Variants in ANO2 observed in about 807,000 individuals in gnomAD.
ANO2 encodes the protein anoctamin 2.
ANO2 carries 101 observed loss-of-function variants against 124.2 expected under a neutral mutation model. That is an observed-to-expected ratio of 0.81 (90% CI 0.69 to 0.96). The LOEUF is 0.96. ANO2 is among the 40% of genes least tolerant of loss of function. ANO2 has a pLI of 0.00. For synonymous variants in ANO2, 486 were observed against 482.5 expected (o/e 1.01, Z -0.09); for missense variants, 1,293 against 1,274.5 (o/e 1.01, Z -0.22).
At position 5,638,237 on chromosome 12, in the gene ANO2, C is replaced by CTTTTTTTTTTTTTTTTTTT. The variant is rs35224024; in HGVS notation, c.1621-2891_1621-2890insAAAAAAAAAAAAAAAAAAA. ...ATCTTCACTAGCACTGTTTCTTTTC[C>CTTTTTTTTTTTTTTTTTTT]TTTTTTTTTTTTTTTTGAGACGGAG... On this transcript the variant is annotated intron_variant, in intron 15 of 24. Coordinates refer to ENST00000682330, the MANE Select transcript of ANO2 (RefSeq NM_001364791.2). Among the ~76,000 whole-genome samples, 4 of 124,846 alleles carry CTTTTTTTTTTTTTTTTTTT rather than the reference C, an allele frequency of 3.2e-5. 1 individual carries two copies. Among genetic ancestry groups the CTTTTTTTTTTTTTTTTTTT allele is most frequent in the Non-Finnish European group, 3.4e-5 (2 of 59,264 alleles). The allele number at this position is 124,846 out of a possible 152,430, so 81.9% of individuals were successfully genotyped here.
At chr12:5,617,179 C>T (rs1944859187) in intron 16 of ANO2, among the ~76,000 whole-genome samples, 1 of 152,010 alleles carries the variant, frequency 6.6e-6, no homozygotes, top group Non-Finnish European at 1.5e-5. Context: ...CCATACTGCA[C>T]TCTCCAGATC....
intron 22 of ANO2, 76 bp from the exon 23 acceptor site, chr12:5,576,091 C>G (rs945546990): frequency 3.0e-5 from 42 of 1,402,636 alleles, no homozygotes; most frequent in Non-Finnish European, 4.0e-5. Flanking sequence ...GGCTCCCCAT[C>G]AGAAGGAGCT....
intron 14 of ANO2, among the ~76,000 whole-genome samples, chr12:5,650,144 G>A (rs1001883014): frequency 6.6e-6 from 1 of 152,136 alleles, no homozygotes; most frequent in African/African-American, 2.4e-5. Context: ...CAATGGGCCA[G>A]GCTCTGTGCT....
At chr12:5,801,024 G>T (rs1953022277) in intron 9 of ANO2, among the ~76,000 whole-genome samples, 1 of 152,172 alleles carries the variant, frequency 6.6e-6, no homozygotes, top group Admixed American at 6.5e-5. Context: ...GAAGTGTGTG[G>T]CATCCAGGAA....
At chr12:5,703,420 C>T (rs754060509) in intron 14 of ANO2, among the ~76,000 whole-genome samples, 3 of 152,202 alleles carry the variant, frequency 2.0e-5, no homozygotes, top group African/African-American at 4.8e-5. Flanking sequence ...GGGGCGCCCA[C>T]ATGCTTCAAT....
intron 10 of ANO2, among the ~76,000 whole-genome samples, chr12:5,755,654 T>G (rs1371022995): frequency 6.6e-6 from 1 of 151,652 alleles, no homozygotes; most frequent in Non-Finnish European, 1.5e-5. Context: ...GAACATGCGG[T>G]GTTTGGTTTT....
chr12:5,832,543 G>T lies in ANO2; in HGVS notation c.694C>A (p.Leu232Met). ...AKKFSAALQK[L>M]SSHLQPRVPE... is the part of the protein sequence containing the mutation. ...ACTCGGGGCTGCAGGTGCGAGCTCAGCTTCTGCAGAGCCGCGCTGAACTTC... is the reference window on the plus strand; with the variant it reads ...ACTCGGGGCTGCAGGTGCGAGCTCATCTTCTGCAGAGCCGCGCTGAACTTC... The change falls in exon 5 of 25, where the codon CTG (leucine) becomes ATG (methionine). Residue 232 changes from leucine (L) to methionine (M), a missense_variant. By Grantham distance (15) the Leu-to-Met change is conservative. Transcript: ENST00000682330. 6.2e-7 allele frequency: 1 copy of T among 1,613,968 alleles called. No homozygotes were observed. Among genetic ancestry groups the T allele is most frequent in the South Asian group, 1.1e-5 (1 of 91,076 alleles).
intron 10 of ANO2, among the ~76,000 whole-genome samples, chr12:5,779,196 A>G (rs983811497): frequency 6.6e-6 from 1 of 152,234 alleles, no homozygotes; most frequent in Non-Finnish European, 1.5e-5. Context: ...CACAGTGTCC[A>G]ATCAAGAGTA....
In ANO2 at chr12:5,705,514, T is replaced by A. The variant is rs545762737; in HGVS notation, c.1545+27006A>T. ...AGGCCAGGCTGCACCCTCTGCCAGA[T>A]GTACTCATCCATAGGAGCTGGTCCT... On this transcript the variant is annotated intron_variant, in intron 14 of 24. Transcript: ENST00000682330. Among the ~76,000 whole-genome samples the A allele has an allele frequency of 2.6e-5, 4 of 152,296 alleles. No individual in the cohort carries two copies. In the East Asian group the frequency reaches 7.7e-4, roughly 29 times the overall value.
chr12:5,722,979 T>C (rs990311620), intron 14 of ANO2, among the ~76,000 whole-genome samples: 3 of 152,194 alleles, frequency 2.0e-5, no homozygotes, highest in Non-Finnish European at 2.9e-5. Flanking sequence ...ACAAACAACC[T>C]TGCCATGTAA....
chr12:5,565,446 C>T, intron 24 of ANO2, 112 bp downstream of exon 24: 1 of 954,076 alleles, frequency 1.0e-6, no homozygotes, highest in Non-Finnish European at 1.6e-6. Flanking sequence ...ATGAAGCTTT[C>T]TTATGTCACA....
At chr12:5,903,280 T>C (rs1672960606) in intron 3 of ANO2, among the ~76,000 whole-genome samples, 1 of 152,104 alleles carries the variant, frequency 6.6e-6, no homozygotes, top group Non-Finnish European at 1.5e-5. Flanking sequence ...TTGGACCTGA[T>C]ATTAAGAAAC....
At chr12:5,745,288 A>T (rs1299053347) in intron 11 of ANO2, among the ~76,000 whole-genome samples, 1 of 152,154 alleles carries the variant, frequency 6.6e-6, no homozygotes, top group Non-Finnish European at 1.5e-5. Context: ...TCCCAGGGAG[A>T]TGGGAGGATG....
chr12:5,693,495 C>T (rs1367724057), intron 14 of ANO2, among the ~76,000 whole-genome samples: 6 of 152,120 alleles, frequency 3.9e-5, no homozygotes, highest in Admixed American at 1.3e-4. Context: ...CCACTGGCTC[C>T]CCACTCTGTC....
intron 14 of ANO2, among the ~76,000 whole-genome samples, chr12:5,708,761 T>C (rs1255686303): frequency 1.3e-5 from 2 of 152,252 alleles, no homozygotes; most frequent in Non-Finnish European, 1.5e-5. Context: ...CAGCATATGC[T>C]AGGTCCTCTC....
chr12:5,629,715 C>G (rs144401273), intron 16 of ANO2, among the ~76,000 whole-genome samples: 17 of 152,296 alleles, frequency 1.1e-4, no homozygotes, highest in African/African-American at 3.1e-4. Context: ...GAATCCTACC[C>G]CCGCAGCACT....
intron 14 of ANO2, among the ~76,000 whole-genome samples, chr12:5,695,335 A>G (rs1439266107): frequency 6.6e-6 from 1 of 150,986 alleles, no homozygotes; most frequent in Non-Finnish European, 1.5e-5. Context: ...AGAATCTTTA[A>G]GATCATTGGT....
intron 14 of ANO2, among the ~76,000 whole-genome samples, chr12:5,712,420 GGA>G (rs1949851725): frequency 6.6e-6 from 1 of 152,198 alleles, no homozygotes; most frequent in South Asian, 2.1e-4. Flanking sequence ...GACAGATACA[GGA>G]GAGAGCCATG....
At chr12:5,691,100 C>A (rs552080032) in intron 14 of ANO2, among the ~76,000 whole-genome samples, 4 of 152,110 alleles carry the variant, frequency 2.6e-5, no homozygotes, top group Non-Finnish European at 5.9e-5. Flanking sequence ...GAGGCTGAGG[C>A]AGGCAGATCA....
Sources: allele counts gnomAD v4.1 joint callset (sites outside exome capture counted in the v4.1 genomes callset), GRCh38; gene constraint gnomAD v4.1.1; transcripts MANE v1.5; gene names NCBI Gene and HGNC (gene_info 2026-07-23, HGNC 2026-07-21).